SORCS3: variants seen among roughly 807,000 people sequenced by gnomAD.
SORCS3 encodes sortilin related VPS10 domain containing receptor 3, also known as VPS10 domain-containing receptor SorCS3.
In SORCS3, 57 loss-of-function variants were observed where a neutral mutation model predicts 146.3. The observed-to-expected ratio is 0.39, with a 90% CI of 0.31 to 0.49. SORCS3 has a LOEUF of 0.49. Among genes scored for constraint, SORCS3 ranks in the 20% least tolerant of loss-of-function variants. SORCS3 has a pLI of 0.92. For missense variants in SORCS3, 1,341 were observed against 1,575.5 expected (o/e 0.85, Z 2.52); for synonymous variants, 653 against 618.5 (o/e 1.06, Z -0.83).
At chr10:104,658,641 C>T (rs1351786965) in intron 1 of SORCS3, among the ~76,000 whole-genome samples, 1 of 152,160 alleles carries the variant, frequency 6.6e-6, no homozygotes, top group Non-Finnish European at 1.5e-5. Flanking sequence ...AGGTGTGAGC[C>T]ACAGCACCTG....
At chr10:105,158,626 G>A (rs1181111715) in intron 10 of SORCS3, among the ~76,000 whole-genome samples, 1 of 152,094 alleles carries the variant, frequency 6.6e-6, no homozygotes, top group Non-Finnish European at 1.5e-5. Flanking sequence ...ACTTGGATAG[G>A]TTGGGTGAGG....
At chr10:104,643,942 C>A (rs2015460995) in intron 1 of SORCS3, among the ~76,000 whole-genome samples, 1 of 152,170 alleles carries the variant, frequency 6.6e-6, no homozygotes. Flanking sequence ...TGAGTATTTA[C>A]AAAGCCTCTG....
At chr10:105,045,021 G>GAAAAA (rs35904016) in intron 5 of SORCS3, among the ~76,000 whole-genome samples, 32 of 117,988 alleles carry the variant, frequency 2.7e-4, no homozygotes, top group African/African-American at 6.2e-4. Flanking sequence ...TCCAGAATTC[G>GAAAAA]AAAAAAAAAA....
chr10:104,970,601 C>G (rs2133642573), intron 3 of SORCS3, among the ~76,000 whole-genome samples: 1 of 152,218 alleles, frequency 6.6e-6, no homozygotes, highest in South Asian at 2.1e-4. Context: ...TATGATTACT[C>G]TAAGAGTATT....
Position 104,819,289 on chromosome 10 carries a change from T to G in SORCS3, c.628-23503T>G, listed in dbSNP as rs185659908. On this transcript the variant is annotated intron_variant, in intron 1 of 26. Coordinates refer to ENST00000369701, the MANE Select transcript of SORCS3 (RefSeq NM_014978.3). The stretch of plus-strand genomic sequence containing the variant: ...GGGTCTGTGTTTTTAAGTAAGTTTC[T>G]CAGATGAGTCTGGCTCAAGGGGTCT... Among the ~76,000 whole-genome samples the G allele has an allele frequency of 3.6e-3, 552 of 152,270 alleles. 3 individuals are homozygous for G. The highest frequency in any genetic ancestry group is 0.013 in the African/African-American group (525 of 41,556).
intron 5 of SORCS3, among the ~76,000 whole-genome samples, chr10:105,052,319 A>C (rs553776262): frequency 1.3e-5 from 2 of 151,666 alleles, no homozygotes; most frequent in Non-Finnish European, 3.0e-5. Context: ...CACCGGAAAC[A>C]CTGTTGTTTT....
At chr10:104,734,714 G>A (rs2016748272) in intron 1 of SORCS3, among the ~76,000 whole-genome samples, 1 of 152,232 alleles carries the variant, frequency 6.6e-6, no homozygotes. Flanking sequence ...CACTGATAGT[G>A]TTCTCTTTTA....
intron 4 of SORCS3, among the ~76,000 whole-genome samples, chr10:105,004,817 TG>T (rs2055084450): frequency 3.3e-5 from 1 of 30,720 alleles, no homozygotes; most frequent in African/African-American, 1.2e-4. Context: ...TGGGGGGAAG[TG>T]GGGGGCGGGG....
chr10:104,969,087 G>A (rs528672216), intron 3 of SORCS3, among the ~76,000 whole-genome samples: 88 of 152,206 alleles, frequency 5.8e-4, no homozygotes, highest in Non-Finnish European at 1.1e-3. Flanking sequence ...TACAATACAC[G>A]TATTTTACCT....
At chr10:105,143,877 C>T (rs2056112417) in intron 8 of SORCS3, among the ~76,000 whole-genome samples, 1 of 152,126 alleles carries the variant, frequency 6.6e-6, no homozygotes, top group Admixed American at 6.6e-5. Context: ...GGAGAACCGG[C>T]TTCCTTGGTT....
chr10:105,110,793 A>G (rs2055854470), intron 7 of SORCS3, among the ~76,000 whole-genome samples: 1 of 152,208 alleles, frequency 6.6e-6, no homozygotes, highest in Non-Finnish European at 1.5e-5. Context: ...AGGGAGAAGC[A>G]TCATTATGAT....
At chr10:104,952,669 T>A (rs1040825638) in intron 3 of SORCS3, among the ~76,000 whole-genome samples, 4 of 152,194 alleles carry the variant, frequency 2.6e-5, no homozygotes, top group African/African-American at 9.7e-5. Context: ...CTGATAAAAG[T>A]CCACTTTTCC....
chr10:104,839,645 A>G (rs2018114569), intron 1 of SORCS3, among the ~76,000 whole-genome samples: 1 of 152,188 alleles, frequency 6.6e-6, no homozygotes, highest in South Asian at 2.1e-4. Flanking sequence ...AAGGTTTCTG[A>G]TCAAGGAAGT....
chr10:105,128,533 T>A (rs1416809891), intron 7 of SORCS3, among the ~76,000 whole-genome samples: 7 of 152,194 alleles, frequency 4.6e-5, no homozygotes, highest in African/African-American at 1.4e-4. Context: ...TTTGAACATG[T>A]CAATAAAATT....
intron 1 of SORCS3, among the ~76,000 whole-genome samples, chr10:104,741,891 G>A (rs1395100748): frequency 1.3e-5 from 2 of 150,380 alleles, no homozygotes; most frequent in Non-Finnish European, 3.0e-5. Flanking sequence ...TTTTTATGAC[G>A]GCTACTTTAA....
chr10:104,759,652 G>A (rs770538811), intron 1 of SORCS3, among the ~76,000 whole-genome samples: 10 of 152,166 alleles, frequency 6.6e-5, no homozygotes, highest in South Asian at 4.1e-4. Flanking sequence ...TTTCAGATCC[G>A]GCTCAGTCCT....
chr10:105,260,755 A>G (rs557431012), intron 25 of SORCS3, among the ~76,000 whole-genome samples: 191 of 152,270 alleles, frequency 1.3e-3, no homozygotes, highest in Middle Eastern at 6.8e-3. Context: ...CACAAGGACA[A>G]CAAAGTGATT....
chr10:104,649,549 C>A (rs774726905), intron 1 of SORCS3, among the ~76,000 whole-genome samples: 15 of 152,234 alleles, frequency 9.9e-5, no homozygotes, highest in Non-Finnish European at 2.1e-4. Flanking sequence ...TCCCAGTGAG[C>A]TGATGGCAAG....
intron 2 of SORCS3, among the ~76,000 whole-genome samples, chr10:104,886,563 T>C (rs764719644): frequency 1.9e-5 from 2 of 106,618 alleles, no homozygotes; most frequent in African/African-American, 5.7e-5. Context: ...ATCATCTATC[T>C]ATCTATCTAT....
Sources: gnomAD v4.1 joint callset for allele counts (sites outside exome capture counted in the v4.1 genomes callset) on GRCh38, gnomAD v4.1.1 for gene constraint, MANE v1.5 for transcripts, NCBI Gene and HGNC (gene_info 2026-07-23, HGNC 2026-07-21) for gene names.